Variants in ARAP2 observed in about 807,000 individuals in gnomAD.
ARAP2 encodes the protein ArfGAP with RhoGAP domain, ankyrin repeat and PH domain 2.
A neutral mutation model predicts 194.5 loss-of-function variants in ARAP2; 148 were observed. The ratio of observed to expected loss-of-function variants is 0.76; its 90% CI spans 0.67 to 0.87. ARAP2 has a LOEUF of 0.87. Ranked by LOEUF, ARAP2 falls within the 40% of genes least tolerant of loss-of-function variation. The probability of loss-of-function intolerance (pLI) is 0.00; values close to 1 mark genes in which losing one functional copy is unlikely to be tolerated. For synonymous variants in ARAP2, 695 were observed against 683.5 expected (o/e 1.02, Z -0.26); for missense variants, 2,128 against 1,989.7 (o/e 1.07, Z -1.32).
chr4:36,065,365 T>A (rs1725226636), downstream of ARAP2: 2 of 522,838 alleles, frequency 3.8e-6, no homozygotes. Context: ...GCCAGGCCCT[T>A]CTTCTCATAG....
chr4:36,099,603 T>C (rs1448197105), intron 27 of ARAP2, among the ~76,000 whole-genome samples: 1 of 152,136 alleles, frequency 6.6e-6, no homozygotes, highest in Non-Finnish European at 1.5e-5. Context: ...TAAGTACATA[T>C]TCATTTTGTA....
chr4:36,057,113 T>C (rs1723647898), intron 2 of ARAP2, among the ~76,000 whole-genome samples: 1 of 152,056 alleles, frequency 6.6e-6, no homozygotes, highest in Non-Finnish European at 1.5e-5. Context: ...AGCCTTTATT[T>C]TGCCATCTCT....
chr4:36,146,910 A>T (rs190000865), intron 19 of ARAP2, among the ~76,000 whole-genome samples: 56 of 152,190 alleles, frequency 3.7e-4, no homozygotes, highest in Middle Eastern at 3.4e-3. Context: ...CAAGAAATCA[A>T]GTTTTAGCTA....
At chr4:36,115,155 A>C (rs1442862910) in intron 25 of ARAP2, among the ~76,000 whole-genome samples, 1 of 152,052 alleles carries the variant, frequency 6.6e-6, no homozygotes, top group Non-Finnish European at 1.5e-5. Flanking sequence ...TATTGCACAT[A>C]CATAAATGAC....
At chr4:36,022,468 A>AGCAG (rs1717153969) in intron 5 of ARAP2, among the ~76,000 whole-genome samples, 1 of 152,168 alleles carries the variant, frequency 6.6e-6, no homozygotes, top group African/African-American at 2.4e-5. Context: ...GCGGGGAGTG[A>AGCAG]GCAGGCACTC....
chr4:36,081,662 A>G (rs537156128), intron 30 of ARAP2, among the ~76,000 whole-genome samples: 36 of 152,198 alleles, frequency 2.4e-4, no homozygotes, highest in Admixed American at 1.3e-3. Flanking sequence ...AAAGCAAAGA[A>G]GAGGCCTGAA....
chr4:36,040,329 G>A (rs183753470), intron 5 of ARAP2, among the ~76,000 whole-genome samples: 1 of 152,244 alleles, frequency 6.6e-6, no homozygotes, highest in African/African-American at 2.4e-5. Context: ...TATATATGAA[G>A]TAATACTAAC....
intron 3 of ARAP2, among the ~76,000 whole-genome samples, chr4:36,049,392 C>T (rs1277501285): frequency 6.6e-6 from 1 of 152,168 alleles, no homozygotes; most frequent in Non-Finnish European, 1.5e-5. Flanking sequence ...AAACTGTTCT[C>T]ATTGTTCTAA....
chr4:36,134,973 A>T lies in ARAP2; in HGVS notation c.3264-1584T>A, dbSNP rs73809115. Among the ~76,000 whole-genome samples, 809 of 151,816 alleles carry T rather than the reference A, an allele frequency of 5.3e-3. 11 individuals carry two copies. The highest frequency in any genetic ancestry group is 0.018 in the African/African-American group (762 of 41,462). On this transcript the variant is annotated intron_variant, in intron 19 of 32. Transcript: ENST00000303965. The stretch of plus-strand genomic sequence containing the variant: ...AGCTATCTGAATGTTTTAGCCACGA[A>T]ACTCCAACCTTTACACAGGCAAGCA...
chr4:36,170,548 A>G (rs1281445572), intron 9 of ARAP2, among the ~76,000 whole-genome samples: 1 of 152,250 alleles, frequency 6.6e-6, no homozygotes, highest in Non-Finnish European at 1.5e-5. Context: ...AGGCCAGAAC[A>G]GGATGACACA....
At chr4:36,160,269 T>G (rs923656702) in intron 13 of ARAP2, 190 bp downstream of exon 13, 23 of 1,191,504 alleles carry the variant, frequency 1.9e-5, no homozygotes, top group Non-Finnish European at 2.3e-5. Context: ...AGGAAGAATT[T>G]ATGCTCTTTT....
chr4:36,064,860 TG>T (rs1725139705), downstream of ARAP2, among the ~76,000 whole-genome samples: 2 of 152,034 alleles, frequency 1.3e-5, no homozygotes, highest in South Asian at 4.2e-4. Context: ...GAAAAGACAT[TG>T]GGGAAGGCAG....
chr4:36,048,199 C>T (rs144728477), intron 3 of ARAP2, among the ~76,000 whole-genome samples: 342 of 152,128 alleles, frequency 2.2e-3, no homozygotes, highest in Middle Eastern at 6.8e-3. Context: ...GGTTTATTTC[C>T]GAACTCTTTA....
chr4:36,040,943 C>T (rs2109225659), intron 5 of ARAP2, among the ~76,000 whole-genome samples: 1 of 152,040 alleles, frequency 6.6e-6, no homozygotes, highest in East Asian at 1.9e-4. Context: ...CTTCCAGCTT[C>T]CAGTATGGTA....
At chr4:36,155,670 AT>A (rs888574302) in intron 15 of ARAP2, among the ~76,000 whole-genome samples, 10 of 147,576 alleles carry the variant, frequency 6.8e-5, no homozygotes, top group Admixed American at 1.4e-4. Flanking sequence ...TTTATTTTTA[AT>A]TTTTTTTTTA....
intron 3 of ARAP2, 22 bp downstream of exon 3, chr4:36,214,400 G>T (rs758213776): frequency 6.4e-7 from 1 of 1,573,154 alleles, no homozygotes; most frequent in Non-Finnish European, 8.7e-7. Flanking sequence ...AATTTAAGGA[G>T]ACATTAAACA....
chr4:36,175,271 T>C (rs981983672), intron 9 of ARAP2, among the ~76,000 whole-genome samples: 2 of 152,232 alleles, frequency 1.3e-5, no homozygotes, highest in African/African-American at 4.8e-5. Context: ...CAAATCATCT[T>C]ACTATTGTTT....
chr4:36,198,425 G>A (rs867052855), intron 6 of ARAP2, among the ~76,000 whole-genome samples: 10 of 152,244 alleles, frequency 6.6e-5, no homozygotes, highest in African/African-American at 2.4e-4. Flanking sequence ...TCCCTGGCCT[G>A]AAGGTGGGGA....
intron 8 of ARAP2, among the ~76,000 whole-genome samples, chr4:36,187,051 C>A (rs1740725803): frequency 6.6e-6 from 1 of 152,186 alleles, no homozygotes; most frequent in Non-Finnish European, 1.5e-5. Flanking sequence ...GGTTGGGAAC[C>A]ACTGAGCCTG....
Sources: gnomAD v4.1 joint callset for allele counts (sites outside exome capture counted in the v4.1 genomes callset) on GRCh38, gnomAD v4.1.1 for gene constraint, MANE v1.5 for transcripts, NCBI Gene and HGNC (gene_info 2026-07-23, HGNC 2026-07-21) for gene names.